Variants in CAPN9 observed in about 807,000 individuals in gnomAD.
CAPN9 encodes the protein calpain 9.
CAPN9 carries 81 observed loss-of-function variants against 92.8 expected under a neutral mutation model. That is an observed-to-expected ratio of 0.87 (90% CI 0.73 to 1.05). The LOEUF (loss-of-function observed/expected upper bound fraction) is 1.05. Ranked by LOEUF, CAPN9 falls within the 50% of genes least tolerant of loss-of-function variation. The probability of loss-of-function intolerance (pLI) is 0.00; values close to 1 mark genes in which losing one functional copy is unlikely to be tolerated. For missense variants in CAPN9, 848 were observed against 866.2 expected (o/e 0.98, Z 0.26); for synonymous variants, 304 against 328.0 (o/e 0.93, Z 0.79).
At chr1:230,762,172 T>C (rs760479559) in intron 3 of CAPN9, among the ~76,000 whole-genome samples, 4 of 152,162 alleles carry the variant, frequency 2.6e-5, no homozygotes, top group Non-Finnish European at 4.4e-5. Flanking sequence ...AAATCAGTCT[T>C]AGGGGCTCCA....
chr1:230,789,156 A>G (rs964989806), intron 13 of CAPN9, among the ~76,000 whole-genome samples: 22 of 152,112 alleles, frequency 1.4e-4, no homozygotes, highest in African/African-American at 5.1e-4. Flanking sequence ...ACAGCATAAC[A>G]CACGGCTAGC....
At chr1:230,779,650 A>T (rs1667071687) in intron 9 of CAPN9, among the ~76,000 whole-genome samples, 1 of 152,164 alleles carries the variant, frequency 6.6e-6, no homozygotes, top group Non-Finnish European at 1.5e-5. Flanking sequence ...TCTAATTGGA[A>T]ATTCCTTGAA....
intron 11 of CAPN9, among the ~76,000 whole-genome samples, chr1:230,782,582 T>C (rs909803755): frequency 6.6e-6 from 1 of 152,150 alleles, no homozygotes; most frequent in African/African-American, 2.4e-5. Flanking sequence ...AATATGTGAA[T>C]AGCAAAAAAA....
rs28359705 is a variant in CAPN9, at chr1:230,790,107, C to A, written c.1600-25C>A. ...TAAAAGAAGGTGCCAAGGGCTATAA[C>A]AAACAATTGTCTCCACTTCAACAGG... On this transcript the variant is annotated intron_variant, in intron 13 of 19. Coordinates refer to ENST00000271971, the MANE Select transcript of CAPN9 (RefSeq NM_006615.3). 9.2e-4 allele frequency: 1,468 copies of A among 1,593,744 alleles called. 17 individuals carry two copies. In the African/African-American group the frequency reaches 0.017, roughly 18 times the overall value.
In CAPN9 at chr1:230,780,580, C is replaced by G. The variant is rs143757720; in HGVS notation, c.1353C>G (p.Asn451Lys). 1.9e-6 allele frequency: 3 copies of G among 1,614,170 alleles called. No homozygotes were observed. Among genetic ancestry groups the G allele is most frequent in the South Asian group, 1.1e-5 (1 of 91,084 alleles). Residue 451 changes from asparagine (N) to lysine (K), a missense_variant, in exon 11 of 20, where the codon AAC becomes AAG. By Grantham distance (94) the Asn-to-Lys change is moderately conservative. Coordinates refer to ENST00000271971, the MANE Select transcript of CAPN9 (RefSeq NM_006615.3). ...GGGCCAGAAGCAAGACGTTCATCAA[C>G]CTGAGAGAAGTCTCCGACCGGTTCA... ...ASRARSKTFI[N>K]LREVSDRFKL... is the part of the protein sequence containing the mutation.
intron 11 of CAPN9, among the ~76,000 whole-genome samples, chr1:230,783,050 C>A (rs539793488): frequency 2.3e-4 from 35 of 152,238 alleles, no homozygotes; most frequent in African/African-American, 8.2e-4. Flanking sequence ...TCTGATTCAA[C>A]TTTGTAATCT....
chr1:230,758,723 C>T (rs980777316), intron 2 of CAPN9, among the ~76,000 whole-genome samples: 13 of 152,078 alleles, frequency 8.5e-5, no homozygotes, highest in Non-Finnish European at 1.2e-4. Context: ...GTTCTGATGA[C>T]GTTGATGTTG....
intron 19 of CAPN9, among the ~76,000 whole-genome samples, chr1:230,800,215 AAAAATAAGAAAGAAAG>A (rs1353759068): frequency 5.0e-5 from 6 of 120,902 alleles, no homozygotes; most frequent in African/African-American, 1.8e-4. Flanking sequence ...GAAAAGAAAG[AAAAATAAGAAAGAAAG>A]AAGAAAGAAA....
At chr1:230,780,081 CGTGTGTGTGTGTGTGTGTGTGT>C (rs59033537) in intron 9 of CAPN9, 76 bp from the exon 10 acceptor site, 14 of 647,068 alleles carry the variant, frequency 2.2e-5, no homozygotes, top group East Asian at 2.0e-4. Context: ...GGTGTATGTG[CGTGTGTGTGTGTGTGTGTGTGT>C]GTGTGTGTGT....
At chr1:230,795,890 T>C (rs1326873215) in intron 18 of CAPN9, among the ~76,000 whole-genome samples, 1 of 152,016 alleles carries the variant, frequency 6.6e-6, no homozygotes. Flanking sequence ...GGGTGCCTCG[T>C]GCTTGGTTTA....
At position 230,780,344 on chromosome 1, in the gene CAPN9, G is replaced by T. The variant is rs747637983; in HGVS notation, c.1272+8G>T. On this transcript the variant is annotated splice_region_variant and intron_variant, in intron 10 of 19. Transcript: ENST00000271971. ...GGCTATGCCATTTATGAGGTAGGTG[G>T]GAACCACACTGCATTTCAGAGTTCT... is the stretch of plus-strand genomic sequence containing the variant. 4.3e-6 allele frequency: 7 copies of T among 1,613,180 alleles called. No individual in the cohort carries two copies. The highest frequency in any genetic ancestry group is 5.9e-6 in the Non-Finnish European group (7 of 1,179,658).
Position 230,762,780 on chromosome 1 carries a change from A to G in CAPN9, c.530A>G (p.Tyr177Cys). 6.2e-7 allele frequency: 1 copy of G among 1,613,928 alleles called. No homozygotes were observed. The highest frequency in any genetic ancestry group is 8.5e-7 in the Non-Finnish European group (1 of 1,179,926). The change falls in exon 4 of 20, where the codon TAC becomes TGC. Residue 177 changes from tyrosine (Y) to cysteine (C), a missense_variant. Physicochemically the swap from Tyr to Cys is radical, Grantham distance 194. Coordinates refer to ENST00000271971, the MANE Select transcript of CAPN9 (RefSeq NM_006615.3). ...EFWSALLEKA[Y>C]AKLNGSYEAL... is the part of the protein sequence containing the mutation. ...TGGAGCGCCTTGCTGGAAAAAGCCT[A>G]CGCCAAGTGAGTGACAGCTTCCCCA...
intron 1 of CAPN9, among the ~76,000 whole-genome samples, chr1:230,754,473 G>A (rs556837806): frequency 9.2e-5 from 14 of 151,666 alleles, no homozygotes; most frequent in African/African-American, 3.4e-4. Context: ...TCTTTATATG[G>A]TATAGATACA....
intron 17 of CAPN9, among the ~76,000 whole-genome samples, chr1:230,794,049 C>A (rs1431826318): frequency 1.3e-5 from 2 of 152,172 alleles, no homozygotes; most frequent in East Asian, 1.9e-4. Flanking sequence ...GTCTGACCTG[C>A]CTGCTCCTCT....
At chr1:230,765,269 A>T (rs114686260) in intron 4 of CAPN9, among the ~76,000 whole-genome samples, 56 of 149,186 alleles carry the variant, frequency 3.8e-4, no homozygotes, top group African/African-American at 1.3e-3. Context: ...AAATGAGGTT[A>T]TGCCAAAAGG....
chr1:230,779,155 C>G (rs1236280584), intron 9 of CAPN9, 22 bp downstream of exon 9: 1 of 1,609,516 alleles, frequency 6.2e-7, no homozygotes, highest in Non-Finnish European at 8.5e-7. Flanking sequence ...GCCTGTCACT[C>G]TCTCTGCCAC....
Position 230,798,240 on chromosome 1 carries a change from T to C in CAPN9, c.2046+20T>C. The stretch of plus-strand genomic sequence containing the variant: ...AATGAGGTATGGCCAATCCAGACCC[T>C]CTGCTCAGGGACCCAGCTGGGGCCC... On this transcript the variant is annotated intron_variant, in intron 19 of 19. Coordinates refer to ENST00000271971, the MANE Select transcript of CAPN9 (RefSeq NM_006615.3). 1 of 1,580,196 alleles carries C rather than the reference T, an allele frequency of 6.3e-7. No homozygotes were observed. Among genetic ancestry groups the C allele is most frequent in the Non-Finnish European group, 8.7e-7 (1 of 1,149,526 alleles).
At chr1:230,763,138 G>C (rs1665751275) in intron 4 of CAPN9, among the ~76,000 whole-genome samples, 1 of 152,160 alleles carries the variant, frequency 6.6e-6, no homozygotes, top group Admixed American at 6.5e-5. Flanking sequence ...AAACATCTGG[G>C]CTATTACGCA....
chr1:230,796,329 T>TATAA (rs67443675), intron 18 of CAPN9, among the ~76,000 whole-genome samples: 7,205 of 142,182 alleles, frequency 0.051, 191 homozygotes, highest in Middle Eastern at 0.088. Flanking sequence ...ATCTCAAAAA[T>TATAA]ATAAATAAAT....
Sources: allele counts gnomAD v4.1 joint callset (sites outside exome capture counted in the v4.1 genomes callset), GRCh38; gene constraint gnomAD v4.1.1; transcripts MANE v1.5; gene names NCBI Gene and HGNC (gene_info 2026-07-23, HGNC 2026-07-21).